OPRK1: variants seen among roughly 807,000 people sequenced by gnomAD.
OPRK1 encodes the protein opioid receptor kappa 1.
A neutral mutation model predicts 24.5 loss-of-function variants in OPRK1; 15 were observed. The ratio of observed to expected loss-of-function variants is 0.61; its 90% CI spans 0.41 to 0.94. The LOEUF (loss-of-function observed/expected upper bound fraction) is 0.94. Among genes scored for constraint, OPRK1 ranks in the 40% least tolerant of loss-of-function variants. The pLI, the probability that OPRK1 is intolerant of heterozygous loss-of-function variation, is 0.00. For missense variants in OPRK1, 479 were observed against 507.3 expected (o/e 0.94, Z 0.54); for synonymous variants, 205 against 198.0 (o/e 1.04, Z -0.30).
At chr8:53,244,143 T>A (rs1191974658) in intron 2 of OPRK1, among the ~76,000 whole-genome samples, 1 of 152,172 alleles carries the variant, frequency 6.6e-6, no homozygotes, top group African/African-American at 2.4e-5. Context: ...GCCACATAGT[T>A]CTGGTGAGGC....
At chr8:53,251,208 C>G (rs941710141) in intron 1 of OPRK1, 123 bp from the exon 2 acceptor site, 1 of 1,113,808 alleles carries the variant, frequency 9.0e-7, no homozygotes, top group Non-Finnish European at 1.2e-6. Flanking sequence ...GGGGGCAGGA[C>G]AGGGAGAACG....
rs117471179 is a variant in OPRK1 at position 53,243,511 on chromosome 8, C to T, written c.257+7270G>A. Among the ~76,000 whole-genome samples the T allele has an allele frequency of 1.8e-4, 28 of 152,336 alleles. 3 individuals carry two copies. In the East Asian group the frequency reaches 5.0e-3, roughly 27 times the overall value. ...ATACCTGATCACCCAATTGGTTTCT[C>T]GCATTCTCACTTGCTCTCTTTCTCT... On this transcript the variant is annotated intron_variant, in intron 2 of 3. Coordinates refer to ENST00000265572, the MANE Select transcript of OPRK1 (RefSeq NM_000912.5).
At chr8:53,246,540 T>C (rs1807233135) in intron 2 of OPRK1, among the ~76,000 whole-genome samples, 1 of 152,040 alleles carries the variant, frequency 6.6e-6, no homozygotes, top group African/African-American at 2.4e-5. Context: ...GAAGAGCAGG[T>C]GAAGAGGGAG....
At chr8:53,244,774 A>G (rs1807191291) in intron 2 of OPRK1, among the ~76,000 whole-genome samples, 1 of 152,206 alleles carries the variant, frequency 6.6e-6, no homozygotes, top group South Asian at 2.1e-4. Flanking sequence ...GGAGAACAGA[A>G]AGAGGATGGG....
rs1563325609 is a variant in OPRK1 at position 53,229,166 on chromosome 8, C to T, written c.*131G>A. The T allele has an allele frequency of 8.7e-7, 1 of 1,150,868 alleles. No individual in the cohort carries two copies. The highest frequency in any genetic ancestry group is 2.5e-5 in the East Asian group (1 of 39,572). The allele number at this position is 1,150,868 out of a possible 1,614,324, so 71.3% of individuals were successfully genotyped here. On this transcript the variant is annotated 3_prime_UTR_variant, in exon 4 of 4. Transcript: ENST00000265572. ...GTGGTCTGCATCTGATGACTTCAGA[C>T]CATGAGATCTCTAAAAGTTTATTTT...
intron 2 of OPRK1, among the ~76,000 whole-genome samples, chr8:53,248,949 T>C (rs917284517): frequency 6.6e-6 from 1 of 152,212 alleles, no homozygotes; most frequent in East Asian, 1.9e-4. Flanking sequence ...TAACACACTT[T>C]AGTGTTGGAT....
intron 2 of OPRK1, chr8:53,238,653 G>A (rs1409634502): frequency 4.1e-6 from 4 of 985,364 alleles, no homozygotes; most frequent in Non-Finnish European, 4.8e-6. Context: ...TCTTTACAGA[G>A]AAACGAGGGT....
At chr8:53,243,783 C>G (rs1216756750) in intron 2 of OPRK1, among the ~76,000 whole-genome samples, 1 of 152,136 alleles carries the variant, frequency 6.6e-6, no homozygotes, top group East Asian at 1.9e-4. Context: ...TGTTTAAAGA[C>G]AGGATCAAGA....
chr8:53,249,789 G>A (rs1300060111), intron 2 of OPRK1, among the ~76,000 whole-genome samples: 3 of 151,994 alleles, frequency 2.0e-5, no homozygotes, highest in Admixed American at 1.3e-4. Flanking sequence ...GCTATTCATC[G>A]TTTCAGAGTC....
chr8:53,241,201 T>C (rs1807109104), intron 2 of OPRK1, among the ~76,000 whole-genome samples: 1 of 152,178 alleles, frequency 6.6e-6, no homozygotes, highest in African/African-American at 2.4e-5. Context: ...AAAAGTCTGT[T>C]TAAAAAATAA....
intron 2 of OPRK1, chr8:53,242,889 G>T: frequency 7.8e-7 from 1 of 1,288,208 alleles, no homozygotes; most frequent in Non-Finnish European, 1.0e-6. Flanking sequence ...ACATGGTTTT[G>T]TCGTCTTCCA....
intron 2 of OPRK1, chr8:53,242,921 C>T (rs1268760573): frequency 1.6e-5 from 21 of 1,287,974 alleles, no homozygotes; most frequent in Non-Finnish European, 2.0e-5. Flanking sequence ...ACCTGTTTGG[C>T]CAATGGAGAA....
chr8:53,232,106 A>G (rs1488871408), intron 3 of OPRK1, among the ~76,000 whole-genome samples: 1 of 152,148 alleles, frequency 6.6e-6, no homozygotes, highest in Non-Finnish European at 1.5e-5. Context: ...TGCACTTCAC[A>G]TTATGCTAAG....
At chr8:53,240,853 C>T (rs779000934) in intron 2 of OPRK1, among the ~76,000 whole-genome samples, 1 of 152,146 alleles carries the variant, frequency 6.6e-6, no homozygotes, top group Non-Finnish European at 1.5e-5. Flanking sequence ...CCAATACACA[C>T]CATACATGCA....
chr8:53,250,869 C>A lies in OPRK1; in HGVS notation c.169G>T (p.Ala57Ser). The change falls in exon 2 of 4, where the codon GCC becomes TCC. Residue 57 changes from alanine to serine, a missense_variant. Physicochemically the swap from Ala to Ser is moderately conservative, Grantham distance 99. Coordinates refer to ENST00000265572, the MANE Select transcript of OPRK1 (RefSeq NM_000912.5). Reference protein sequence around the residue: ...AQLEPAHISPAIPVIITAVYS... With the variant: ...AQLEPAHISPSIPVIITAVYS... Reference sequence around the variant, plus strand: ...ACCGCCGTGATGATGACCGGGATGGCCGGGGAGATGTGCGCGGGCTCCAGC... The same window carrying A: ...ACCGCCGTGATGATGACCGGGATGGACGGGGAGATGTGCGCGGGCTCCAGC... 1.2e-6 allele frequency: 2 copies of A among 1,613,320 alleles called. No individual in the cohort carries two copies. Among genetic ancestry groups the A allele is most frequent in the Non-Finnish European group, 1.7e-6 (2 of 1,179,736 alleles).
chr8:53,237,917 G>C (rs1807030980), intron 2 of OPRK1, among the ~76,000 whole-genome samples: 1 of 152,170 alleles, frequency 6.6e-6, no homozygotes, highest in Admixed American at 6.5e-5. Flanking sequence ...GGATGGGGTG[G>C]CAAGGCAGGG....
chr8:53,250,069 CCACACACACACA>C (rs369426050), intron 2 of OPRK1, among the ~76,000 whole-genome samples: 3 of 130,386 alleles, frequency 2.3e-5, no homozygotes, highest in Non-Finnish European at 5.2e-5. Flanking sequence ...GAAGAAATTT[CCACACACACACA>C]CACACACACA....
At chr8:53,245,042 A>T (rs750680356) in intron 2 of OPRK1, among the ~76,000 whole-genome samples, 1 of 152,230 alleles carries the variant, frequency 6.6e-6, no homozygotes, top group Non-Finnish European at 1.5e-5. Flanking sequence ...TACAATGTAA[A>T]GGTTATGTAA....
In OPRK1 at chr8:53,229,731, T is replaced by A. The variant is rs751079957; in HGVS notation, c.709A>T (p.Ile237Phe). Reference sequence around the variant, plus strand: ...CAGACGATGATGATGAGGACAGGGATCACGAAGGCAAAGATGAAGACGCAG... The same window carrying A: ...CAGACGATGATGATGAGGACAGGGAACACGAAGGCAAAGATGAAGACGCAG... Reference protein sequence around the residue: ...KICVFIFAFVIPVLIIIVCYT... With the variant: ...KICVFIFAFVFPVLIIIVCYT... The change falls in exon 4 of 4, where the codon ATC becomes TTC. Residue 237 changes from isoleucine (I) to phenylalanine (F), a missense_variant. By Grantham distance (21) the Ile-to-Phe change is conservative. Coordinates refer to ENST00000265572, the MANE Select transcript of OPRK1 (RefSeq NM_000912.5). The A allele has an allele frequency of 1.2e-6, 2 of 1,613,624 alleles. No individual in the cohort carries two copies. Among genetic ancestry groups the A allele is most frequent in the East Asian group, 4.5e-5 (2 of 44,872 alleles).
Sources: allele counts gnomAD v4.1 joint callset (sites outside exome capture counted in the v4.1 genomes callset), GRCh38; gene constraint gnomAD v4.1.1; transcripts MANE v1.5; gene names NCBI Gene and HGNC (gene_info 2026-07-23, HGNC 2026-07-21).